The following FAT3 variants were observed in gnomAD, a reference collection of about 807,000 sequenced individuals.
The protein encoded by FAT3 is protocadherin Fat 3.
FAT3 carries 95 observed loss-of-function variants against 310.2 expected under a neutral mutation model. The ratio of observed to expected loss-of-function variants is 0.31; its 90% confidence interval spans 0.26 to 0.36. FAT3 has a LOEUF of 0.36. FAT3 is among the 10% of genes least tolerant of loss of function. FAT3 has a pLI of 1.00. For missense variants in FAT3, 5,408 were observed against 5,715.6 expected (o/e 0.95, Z 1.74); for synonymous variants, 2,314 against 2,192.9 (o/e 1.06, Z -1.54).
chr11:92,315,487 A>ATGTGTGTGTGTGTGTGTGTGTG (rs1947421615), intron 1 of FAT3, among the ~76,000 whole-genome samples: 1 of 68,726 alleles, frequency 1.5e-5, no homozygotes, highest in African/African-American at 5.7e-5. Context: ...GTGTATATAT[A>ATGTGTGTGTGTGTGTGTGTGTG]TATATATATA....
chr11:92,715,333 G>A (rs1037008168), intron 4 of FAT3, among the ~76,000 whole-genome samples: 2 of 151,710 alleles, frequency 1.3e-5, no homozygotes, highest in East Asian at 1.9e-4. Flanking sequence ...GTGTGAACCC[G>A]GGAGGCAGAG....
intron 4 of FAT3, among the ~76,000 whole-genome samples, chr11:92,748,120 G>A (rs1945726449): frequency 6.6e-6 from 1 of 152,150 alleles, no homozygotes; most frequent in African/African-American, 2.4e-5. Context: ...AATTTATAAA[G>A]GAAAGAGGTT....
intron 1 of FAT3, among the ~76,000 whole-genome samples, chr11:92,294,112 A>G (rs1946783361): frequency 6.6e-6 from 1 of 152,064 alleles, no homozygotes; most frequent in African/African-American, 2.4e-5. Flanking sequence ...GTTTGGGCCT[A>G]TTTGGTTTCT....
intron 2 of FAT3, among the ~76,000 whole-genome samples, chr11:92,366,193 T>C (rs1468649193): frequency 6.6e-6 from 1 of 152,172 alleles, no homozygotes; most frequent in African/African-American, 2.4e-5. Flanking sequence ...AAGTCCTTAG[T>C]AAACAAAGCA....
At chr11:92,576,087 G>A (rs1427806570) in intron 3 of FAT3, among the ~76,000 whole-genome samples, 4 of 152,070 alleles carry the variant, frequency 2.6e-5, no homozygotes, top group Admixed American at 6.6e-5. Flanking sequence ...AATTGCTGAG[G>A]CCTGGGACTG....
intron 21 of FAT3, among the ~76,000 whole-genome samples, chr11:92,864,520 A>G (rs1044589852): frequency 2.6e-5 from 4 of 152,202 alleles, no homozygotes; most frequent in African/African-American, 9.6e-5. Context: ...AGATGATAGC[A>G]TAAGATTACA....
intron 18 of FAT3, among the ~76,000 whole-genome samples, chr11:92,842,532 T>C (rs1048526587): frequency 6.6e-6 from 1 of 152,214 alleles, no homozygotes; most frequent in African/African-American, 2.4e-5. Flanking sequence ...CCAGCATCTC[T>C]TGTTCACATC....
intron 3 of FAT3, among the ~76,000 whole-genome samples, chr11:92,629,558 G>A (rs935492808): frequency 5.9e-5 from 9 of 151,622 alleles, no homozygotes; most frequent in Non-Finnish European, 1.2e-4. Flanking sequence ...CTATAGGCAC[G>A]TGCCACCACA....
intron 2 of FAT3, among the ~76,000 whole-genome samples, chr11:92,487,630 G>A (rs1440367662): frequency 1.3e-5 from 2 of 152,192 alleles, no homozygotes; most frequent in Non-Finnish European, 2.9e-5. Flanking sequence ...AGAGGCAAAA[G>A]CATAAGGTTA....
chr11:92,633,933 T>C (rs1941656042), intron 3 of FAT3, among the ~76,000 whole-genome samples: 1 of 152,220 alleles, frequency 6.6e-6, no homozygotes, highest in Non-Finnish European at 1.5e-5. Flanking sequence ...AGAACTGTGC[T>C]AAGTGCTGTG....
At chr11:92,630,890 G>A (rs765872868) in intron 3 of FAT3, among the ~76,000 whole-genome samples, 7 of 152,176 alleles carry the variant, frequency 4.6e-5, no homozygotes, top group Non-Finnish European at 1.0e-4. Flanking sequence ...ATTCATGGTA[G>A]GTGATCAATA....
chr11:92,637,945 C>A (rs572054541), intron 3 of FAT3, among the ~76,000 whole-genome samples: 12 of 152,280 alleles, frequency 7.9e-5, no homozygotes, highest in African/African-American at 2.9e-4. Flanking sequence ...TTGGATATTG[C>A]GTTTTTTACC....
chr11:92,766,373 C>A (rs180876923), intron 6 of FAT3, among the ~76,000 whole-genome samples: 130 of 152,280 alleles, frequency 8.5e-4, no homozygotes, highest in Non-Finnish European at 1.7e-3. Context: ...CTGGGGGAAT[C>A]ATTTCCTTCC....
intron 2 of FAT3, chr11:92,367,061 T>C: frequency 2.0e-6 from 1 of 489,838 alleles, no homozygotes; most frequent in South Asian, 1.5e-5. Flanking sequence ...ACGGTCCAGA[T>C]CACTCTCTTC....
rs548216786 is a variant in FAT3 at position 92,695,364 on chromosome 11, C to T, written c.3608-2020C>T. Among the ~76,000 whole-genome samples, 35 of 152,140 alleles carry T rather than the reference C, an allele frequency of 2.3e-4. No homozygotes were observed. The East Asian group carries it at 6.6e-3, about 29-fold the overall frequency. On this transcript the variant is annotated intron_variant, in intron 3 of 27. Coordinates refer to ENST00000525166, the MANE Select transcript of FAT3 (RefSeq NM_001367949.2). ...ACGTTTCCCTGGTGATTCCGATGGT[C>T]AGCTAAGGAAGGAAAGTTACTCATC... is the stretch of plus-strand genomic sequence containing the variant.
chr11:92,559,604 C>T (rs2135464490), intron 3 of FAT3: 1 of 179,672 alleles, frequency 5.6e-6, no homozygotes, highest in East Asian at 1.8e-4. Context: ...TCTTGATCTC[C>T]TGGTCCCAAA....
chr11:92,764,424 CACAT>C (rs1300263228), intron 5 of FAT3, among the ~76,000 whole-genome samples: 2 of 152,174 alleles, frequency 1.3e-5, no homozygotes, highest in Non-Finnish European at 2.9e-5. Flanking sequence ...CACAACCACA[CACAT>C]ACACATGCAC....
chr11:92,543,479 T>C (rs934730643), intron 3 of FAT3, among the ~76,000 whole-genome samples: 2 of 152,242 alleles, frequency 1.3e-5, no homozygotes, highest in Non-Finnish European at 2.9e-5. Context: ...AGTTTCTTTT[T>C]AAGCAGCAGA....
intron 2 of FAT3, among the ~76,000 whole-genome samples, chr11:92,355,706 A>G (rs1948711018): frequency 6.6e-6 from 1 of 152,176 alleles, no homozygotes; most frequent in Non-Finnish European, 1.5e-5. Context: ...ACTTCTGTTG[A>G]TTGTACTCCT....
Sources: gnomAD v4.1 joint callset for allele counts (sites outside exome capture counted in the v4.1 genomes callset) on GRCh38, gnomAD v4.1.1 for gene constraint, MANE v1.5 for transcripts, NCBI Gene and HGNC (gene_info 2026-07-23, HGNC 2026-07-21) for gene names.